PRRT1B: variants seen among roughly 807,000 people sequenced by gnomAD.
PRRT1B encodes dispanin subfamily D member 2.
intron 3 of PRRT1B, 79 bp downstream of exon 3, chr9:131,556,292 C>T: frequency 2.5e-6 from 1 of 399,608 alleles, no homozygotes; most frequent in Non-Finnish European, 4.4e-6. Flanking sequence ...CAGAGCCCCT[C>T]TTCCAGCAAC....
chr9:131,553,820 A>T (rs1951027793), intron 1 of PRRT1B, among the ~76,000 whole-genome samples: 1 of 152,172 alleles, frequency 6.6e-6, no homozygotes, highest in African/African-American at 2.4e-5. Context: ...CCCTTGCCTG[A>T]GGCCCTCTGG....
At chr9:131,556,000 G>A in intron 2 of PRRT1B, 70 bp from the exon 3 acceptor site, 3 of 399,398 alleles carry the variant, frequency 7.5e-6, no homozygotes, top group Non-Finnish European at 1.3e-5. Context: ...TGGCCTGGCT[G>A]GCCTTCTCAC....
Position 131,551,924 on chromosome 9 carries a change from C to T in PRRT1B, c.26-2633C>T, listed in dbSNP as rs76409978. Among the ~76,000 whole-genome samples the T allele has an allele frequency of 0.1, 15,461 of 152,122 alleles. 1,080 individuals carry two copies. The highest frequency in any genetic ancestry group is 0.18 in the African/African-American group (7,407 of 41,464). On this transcript the variant is annotated intron_variant, in intron 1 of 3. Coordinates refer to ENST00000636672, the Ensembl canonical transcript of PRRT1B. The surrounding 1 kb of genome is among the most constrained non-coding windows in gnomAD (Gnocchi z 4.4). ...AAGCCTGTTTGGTGGTCTCTTCACA[C>T]GGACACGAGTGAAACCCGCCACCAC...
exon 4 of PRRT1B, chr9:131,558,386 C>T (rs1485466124): frequency 5.1e-6 from 2 of 393,500 alleles, no homozygotes; most frequent in Non-Finnish European, 9.0e-6. Flanking sequence ...TCAGCCTCCT[C>T]AGCCTCCACA....
chr9:131,553,860 G>A (rs915694960), intron 1 of PRRT1B, among the ~76,000 whole-genome samples: 1 of 152,176 alleles, frequency 6.6e-6, no homozygotes, highest in Non-Finnish European at 1.5e-5. Context: ...CTCTCAGGAG[G>A]TGCAGCCTTA....
At chr9:131,554,777 C>T (rs946047885) in exon 2 of PRRT1B, 5 of 327,730 alleles carry the variant, frequency 1.5e-5, no homozygotes, top group East Asian at 4.7e-5. Context: ...AGGCGGCGGG[C>T]GAGGCCGGGC....
At chr9:131,556,418 T>G (rs951553191) in intron 3 of PRRT1B, among the ~76,000 whole-genome samples, 10 of 152,204 alleles carry the variant, frequency 6.6e-5, no homozygotes, top group Admixed American at 5.9e-4. Flanking sequence ...AAATGTGCTG[T>G]GGAATGTTTG....
rs549825970 is a variant in PRRT1B, at chr9:131,547,065, C to CTTTTTTTTT, written c.25+1441_25+1449dup. Among the ~76,000 whole-genome samples, 451 of 100,710 alleles carry CTTTTTTTTT rather than the reference C, an allele frequency of 4.5e-3. 75 individuals are homozygous for CTTTTTTTTT. Among genetic ancestry groups the CTTTTTTTTT allele is most frequent in the African/African-American group, 0.021 (426 of 20,446 alleles). The allele number at this position is 100,710 out of a possible 152,430, so 66.1% of individuals were successfully genotyped here. A position where few individuals can be genotyped will look rare whatever the true frequency, so the allele number is the denominator to read the frequency against. On this transcript the variant is annotated intron_variant, in intron 1 of 3. Transcript: ENST00000636672. ...AGAGCAGAGCCTGGCCTCCTGTTCG[C>CTTTTTTTTT]TTTTTTTTTTTTTTTTTTTTTTTTG...
intron 2 of PRRT1B, among the ~76,000 whole-genome samples, chr9:131,555,246 G>A (rs1364386240): frequency 6.6e-6 from 1 of 152,256 alleles, no homozygotes; most frequent in Non-Finnish European, 1.5e-5. Flanking sequence ...CACCGCACAG[G>A]CGTGGAGGGG....
At chr9:131,546,720 C>T (rs549811705) in intron 1 of PRRT1B, among the ~76,000 whole-genome samples, 148 of 151,912 alleles carry the variant, frequency 9.7e-4, no homozygotes, top group African/African-American at 3.4e-3. Context: ...GGCGGAGGCT[C>T]CGGTGTCAAG....
intron 1 of PRRT1B, among the ~76,000 whole-genome samples, chr9:131,548,042 G>A (rs1181418050): frequency 3.9e-5 from 6 of 152,126 alleles, no homozygotes; most frequent in East Asian, 1.9e-4. Context: ...TCTGATCTCC[G>A]TGGGGACGCC....
intron 1 of PRRT1B, among the ~76,000 whole-genome samples, chr9:131,547,017 C>T (rs1950980245): frequency 2.7e-5 from 4 of 145,640 alleles, no homozygotes; most frequent in South Asian, 2.2e-4. Context: ...CGAGATGACG[C>T]GGGTTACGAA....
intron 3 of PRRT1B, among the ~76,000 whole-genome samples, chr9:131,557,229 G>A (rs568160922): frequency 6.6e-6 from 1 of 152,194 alleles, no homozygotes; most frequent in African/African-American, 2.4e-5. Flanking sequence ...ATGCCAATGT[G>A]ATGACACTCT....
At chr9:131,552,978 G>T (rs1209993790) in intron 1 of PRRT1B, among the ~76,000 whole-genome samples, 1 of 151,642 alleles carries the variant, frequency 6.6e-6, no homozygotes, top group Non-Finnish European at 1.5e-5. Flanking sequence ...GAGCCATTGT[G>T]CCTGGCCATT....
rs1588549866 is a variant in PRRT1B at position 131,551,456 on chromosome 9, A to C, written c.26-3101A>C. On this transcript the variant is annotated intron_variant, in intron 1 of 3. Coordinates refer to ENST00000636672, the Ensembl canonical transcript of PRRT1B. This position sits in a 1 kb window ranked among gnomAD's most constrained non-coding sequence, Gnocchi z 4.4. The stretch of plus-strand genomic sequence containing the variant: ...CCCATTATCTCTCCATACCACCCCC[A>C]AAAAATTTTCGCTGCCCCAACACTT... 1.3e-5 allele frequency among the ~76,000 whole-genome samples: 2 copies of C among 152,090 alleles called. No homozygotes were observed. The highest frequency in any genetic ancestry group is 2.1e-4 in the South Asian group (1 of 4,820).
intron 1 of PRRT1B, among the ~76,000 whole-genome samples, chr9:131,546,137 G>A (rs535374593): frequency 6.6e-6 from 1 of 152,246 alleles, no homozygotes; most frequent in East Asian, 1.9e-4. Context: ...TCCCGCCTCT[G>A]GCAGCTCAGC....
intron 1 of PRRT1B, among the ~76,000 whole-genome samples, chr9:131,547,141 G>C (rs1199182264): frequency 7.3e-6 from 1 of 137,662 alleles, no homozygotes; most frequent in African/African-American, 2.9e-5. Context: ...GCACAATCTC[G>C]GCTCACTGCA....
chr9:131,547,065 CTTTTTTTTTT>C (rs549825970), intron 1 of PRRT1B, among the ~76,000 whole-genome samples: 1 of 100,798 alleles, frequency 9.9e-6, no homozygotes, highest in African/African-American at 4.9e-5. Flanking sequence ...CTCCTGTTCG[CTTTTTTTTTT>C]TTTTTTTTTT....
At chr9:131,554,432 G>T (rs12351576) in intron 1 of PRRT1B, 125 bp from the exon 2 acceptor site, 11,528 of 365,174 alleles carry the variant, frequency 0.032, 849 homozygotes, top group African/African-American at 0.19. Flanking sequence ...TAGTCCCTTT[G>T]CGTCACGATC....
Sources: allele counts gnomAD v4.1 joint callset (sites outside exome capture counted in the v4.1 genomes callset), GRCh38; gene constraint gnomAD v4.1.1; non-coding constraint Gnocchi (gnomAD v3.1); transcripts MANE v1.5; gene names NCBI Gene and HGNC (gene_info 2026-07-23, HGNC 2026-07-21).